Variants in ZKSCAN2 observed in about 807,000 individuals in gnomAD.
ZKSCAN2 encodes the protein zinc finger with KRAB and SCAN domains 2.
Under a neutral mutation model 90.5 loss-of-function variants are expected in ZKSCAN2, and 38 were observed. That is an observed-to-expected ratio of 0.42 (90% CI 0.32 to 0.55). The LOEUF is 0.55. Among genes scored for constraint, ZKSCAN2 ranks in the 20% least tolerant of loss-of-function variants. ZKSCAN2 has a pLI of 0.11. For synonymous variants in ZKSCAN2, 429 were observed against 421.6 expected, an observed-to-expected ratio of 1.02 and a Z score of -0.22; for missense variants, 1,167 against 1,202.6, an observed-to-expected ratio of 0.97 and a Z score of 0.44.
Position 25,256,753 on chromosome 16 carries a change from T to C in ZKSCAN2, c.375A>G (p.Lys125=), listed in dbSNP as rs777966178. The C allele has an allele frequency of 1.9e-6, 3 of 1,613,340 alleles. No individual in the cohort carries two copies. The highest frequency in any genetic ancestry group is 1.3e-5 in the African/African-American group (1 of 74,852). The change falls in exon 1 of 7, where the codon AAA becomes AAG. Residue 125 remains lysine, a synonymous_variant. Transcript: ENST00000328086. The stretch of plus-strand genomic sequence containing the variant: ...CCTGCTGTCTTAGTCTTCCAGTCTC[T>C]TTCTCCAAATGCACTACCAGGGCCA... The part of the protein sequence containing the change: ...EAVALVVHLE[K]ETGRLRQQVS...
At chr16:25,248,717 G>A (rs1163803848) in intron 4 of ZKSCAN2, among the ~76,000 whole-genome samples, 1 of 152,200 alleles carries the variant, frequency 6.6e-6, no homozygotes, top group Admixed American at 6.5e-5. Flanking sequence ...ATTGGGAAGA[G>A]TCATTATGGA....
intron 4 of ZKSCAN2, 53 bp from the exon 5 acceptor site, chr16:25,247,443 C>T (rs1962951785): frequency 5.4e-6 from 8 of 1,475,266 alleles, no homozygotes; most frequent in Admixed American, 3.7e-5. Flanking sequence ...TTACTGCATG[C>T]CTCAATCTTC....
At position 25,240,223 on chromosome 16, in the gene ZKSCAN2, ATCTGTAGGGTTTCTC is replaced by A; in HGVS notation, c.2482_2496del (p.Glu828_Arg832del). On this transcript the variant is annotated inframe_deletion, in exon 7 of 7. Transcript: ENST00000328086. ...CTAAAGCATTTTCCACACTCTCCGC[ATCTGTAGGGTTTCTC>A]TCCTGTGTGGATTCTCTGGTGGGCA... 4.3e-6 allele frequency: 7 copies of A among 1,614,080 alleles called. No individual in the cohort carries two copies. Among genetic ancestry groups the A allele is most frequent in the Non-Finnish European group, 5.9e-6 (7 of 1,180,018 alleles).
chr16:25,241,006 G>C (rs1236185599), intron 6 of ZKSCAN2, among the ~76,000 whole-genome samples: 1 of 152,050 alleles, frequency 6.6e-6, no homozygotes, highest in Non-Finnish European at 1.5e-5. Flanking sequence ...GGTGCAACCT[G>C]GCTTATCTCC....
At position 25,238,373 on chromosome 16, in the gene ZKSCAN2, C is replaced by T. The variant is rs188246468; in HGVS notation, c.*1443G>A. On this transcript the variant is annotated 3_prime_UTR_variant, in exon 7 of 7. Coordinates refer to ENST00000328086, the MANE Select transcript of ZKSCAN2 (RefSeq NM_001012981.5). ...GGGAATAAACGCCACTGACTCCATC[C>T]TGAAGCAACTGGCCATGGAAAATCA... 1 of 152,382 alleles carries T rather than the reference C, an allele frequency of 6.6e-6. No homozygotes were observed. Among genetic ancestry groups the T allele is most frequent in the African/African-American group, 2.4e-5 (1 of 41,568 alleles). The allele number at this position is 152,382 out of a possible 1,614,324, so 9.4% of individuals were successfully genotyped here. A position where few individuals can be genotyped will look rare whatever the true frequency, so the allele number is the denominator to read the frequency against.
chr16:25,249,246 A>G (rs1962982938), intron 4 of ZKSCAN2, among the ~76,000 whole-genome samples: 1 of 152,232 alleles, frequency 6.6e-6, no homozygotes. Flanking sequence ...TCTATTATAT[A>G]GTGACTATAA....
rs201142510 is a variant in ZKSCAN2 at position 25,247,136 on chromosome 16, T to G, written c.1060A>C (p.Ile354Leu). The change falls in exon 5 of 7, where the codon ATT (isoleucine) becomes CTT (leucine). Residue 354 changes from isoleucine to leucine, a missense_variant. Transcript: ENST00000328086. ...SYEETKTFLA[I>L]LKESRFYETL... is the part of the protein sequence containing the mutation. ...TCATAAAAGCGAGACTCTTTGAGAA[T>G]TGCCAGGAAAGTCTTTGTTTCCTCA... The G allele has an allele frequency of 6.2e-7, 1 of 1,614,192 alleles. No homozygotes were observed. The highest frequency in any genetic ancestry group is 1.3e-5 in the African/African-American group (1 of 75,052).
Position 25,240,387 on chromosome 16 carries a change from C to T in ZKSCAN2, c.2333G>A (p.Gly778Asp), listed in dbSNP as rs145665207. The change falls in exon 7 of 7, where the codon GGT (glycine) becomes GAT (aspartate). Residue 778 changes from glycine to aspartate, a missense_variant. Coordinates refer to ENST00000328086, the MANE Select transcript of ZKSCAN2 (RefSeq NM_001012981.5). ...TCTACCAAAGCACTTCCCACAGACACCACACTTGTAAGGATTCTCCTTGTG... is the reference window on the plus strand; with the variant it reads ...TCTACCAAAGCACTTCCCACAGACATCACACTTGTAAGGATTCTCCTTGTG... ...THHKENPYKCGVCGKCFGRSR... is the reference protein window; with the variant it reads ...THHKENPYKCDVCGKCFGRSR... 556 of 1,614,168 alleles carry T rather than the reference C, an allele frequency of 3.4e-4. 5 individuals are homozygous for T. In the African/African-American group the frequency reaches 6.7e-3, roughly 19 times the overall value.
At chr16:25,246,567 C>A in intron 5 of ZKSCAN2, 140 bp downstream of exon 5, 1 of 831,180 alleles carries the variant, frequency 1.2e-6, no homozygotes, top group Non-Finnish European at 2.0e-6. Context: ...GAGAGTACTT[C>A]AGTGATGTGG....
rs775174500 is a variant in ZKSCAN2, at chr16:25,244,186, T to G, written c.1580A>C (p.Lys527Thr). The stretch of plus-strand genomic sequence containing the variant: ...AGCTACAGCCCCATACAATTTGCTC[T>G]TCCGATGACAGGCTTGAAGCGCTTC... ...FYEALQACHR[K>T]SKLYGAVAEQ... Residue 527 changes from lysine to threonine, a missense_variant, in exon 6 of 7, where the codon AAG (lysine) becomes ACG (threonine). By Grantham distance (78) the Lys-to-Thr change is moderately conservative. Coordinates refer to ENST00000328086, the MANE Select transcript of ZKSCAN2 (RefSeq NM_001012981.5). 1 of 1,614,146 alleles carries G rather than the reference T, an allele frequency of 6.2e-7. No individual in the cohort carries two copies. The highest frequency in any genetic ancestry group is 8.5e-7 in the Non-Finnish European group (1 of 1,180,006).
chr16:25,256,846 G>A lies in ZKSCAN2; in HGVS notation c.282C>T (p.Leu94=), dbSNP rs1963110326. The A allele has an allele frequency of 5.0e-6, 8 of 1,614,196 alleles. No homozygotes were observed. Among genetic ancestry groups the A allele is most frequent in the Non-Finnish European group, 6.8e-6 (8 of 1,180,046 alleles). The change falls in exon 1 of 7, where the codon CTC becomes CTT. Residue 94 remains leucine, a synonymous_variant. Coordinates refer to ENST00000328086, the MANE Select transcript of ZKSCAN2 (RefSeq NM_001012981.5). ...CCTGAATCTTCTCGGGTAAAATGGT[G>A]AGAAACTGCTCAATCACCAGCAGCT... ...ILELLVIEQF[L]TILPEKIQAW...
chr16:25,249,597 T>G (rs564508397), intron 4 of ZKSCAN2, among the ~76,000 whole-genome samples: 5 of 152,274 alleles, frequency 3.3e-5, no homozygotes, highest in African/African-American at 1.2e-4. Flanking sequence ...GATGGATTTG[T>G]TAATTAGCTG....
chr16:25,242,382 T>C (rs905175376), intron 6 of ZKSCAN2, among the ~76,000 whole-genome samples: 14 of 152,172 alleles, frequency 9.2e-5, no homozygotes, highest in Admixed American at 3.9e-4. Context: ...ATTTCCCATA[T>C]ATATACTAAG....
At position 25,237,042 on chromosome 16, in the gene ZKSCAN2, A is replaced by G. The variant is rs1322535780; in HGVS notation, c.*2774T>C. ...AGTTACAAAAATCACAGTGTTTGTA[A>G]TACATACATACAGATCTACACACAC... On this transcript the variant is annotated 3_prime_UTR_variant, in exon 7 of 7. Transcript: ENST00000328086. The G allele has an allele frequency of 7.0e-6, 1 of 143,270 alleles. No homozygotes were observed. The highest frequency in any genetic ancestry group is 1.5e-5 in the Non-Finnish European group (1 of 64,840). The allele number at this position is 143,270 out of a possible 1,614,324, so 8.9% of individuals were successfully genotyped here.
chr16:25,243,613 G>A (rs534024619), intron 6 of ZKSCAN2, among the ~76,000 whole-genome samples, 172 bp downstream of exon 6: 47 of 152,352 alleles, frequency 3.1e-4, no homozygotes, highest in Non-Finnish European at 5.3e-4. Context: ...ACAGGTGTGA[G>A]CCACCATGCC....
At position 25,244,266 on chromosome 16, in the gene ZKSCAN2, C is replaced by T. The variant is rs1176574935; in HGVS notation, c.1500G>A (p.Trp500Ter). Residue 500 changes from tryptophan (W) to a stop codon, truncating the protein, a stop_gained, in exon 6 of 7, where the codon TGG becomes TGA. Transcript: ENST00000328086. LOFTEE classifies it high-confidence loss of function. ...GAAAAGTCTTGGTTTCTTCATAGCC[C>T]CAGTGCACGCCTGCCATTTGGGGAT... ...VLFQNLSGVH[W>*]GYEETKTFLD... 6.2e-7 allele frequency: 1 copy of T among 1,610,490 alleles called. No homozygotes were observed. The highest frequency in any genetic ancestry group is 2.2e-5 in the East Asian group (1 of 44,800).
In ZKSCAN2 at chr16:25,257,493, G is replaced by A. The variant is rs1963127159; in HGVS notation, c.-366C>T. 2 of 1,004,278 alleles carry A rather than the reference G, an allele frequency of 2.0e-6. No homozygotes were observed. Among genetic ancestry groups the A allele is most frequent in the Non-Finnish European group, 1.2e-6 (1 of 843,108 alleles). The allele number at this position is 1,004,278 out of a possible 1,614,324, so 62.2% of individuals were successfully genotyped here. On this transcript the variant is annotated 5_prime_UTR_variant, in exon 1 of 7. Coordinates refer to ENST00000328086, the MANE Select transcript of ZKSCAN2 (RefSeq NM_001012981.5). ...GAGGCGGACAGCCGGGCCGGGAGGG[G>A]GTGTGTCCGCTACTCCCGGGTCGGG...
At chr16:25,250,744 T>G (rs1963009312) in intron 4 of ZKSCAN2, among the ~76,000 whole-genome samples, 1 of 152,156 alleles carries the variant, frequency 6.6e-6, no homozygotes. Flanking sequence ...CACAATTTTA[T>G]TTGCATATAT....
chr16:25,246,796 G>A lies in ZKSCAN2; in HGVS notation c.1400C>T (p.Ala467Val), dbSNP rs768685041. The A allele has an allele frequency of 2.5e-6, 4 of 1,614,174 alleles. No homozygotes were observed. Among genetic ancestry groups the A allele is most frequent in the Non-Finnish European group, 3.4e-6 (4 of 1,180,030 alleles). The change falls in exon 5 of 7, where the codon GCA becomes GTA. Residue 467 changes from alanine to valine, a missense_variant. Coordinates refer to ENST00000328086, the MANE Select transcript of ZKSCAN2 (RefSeq NM_001012981.5). ...HISLVEEEEAAEDSDDDEIGI... is the reference protein window; with the variant it reads ...HISLVEEEEAVEDSDDDEIGI... ...TATTTCATCATCATCAGAATCTTCT[G>A]CAGCTTCCTCCTCCTCCACCAAGCT...
Sources: gnomAD v4.1 joint callset for allele counts (sites outside exome capture counted in the v4.1 genomes callset) on GRCh38, gnomAD v4.1.1 for gene constraint, MANE v1.5 for transcripts, NCBI Gene and HGNC (gene_info 2026-07-23, HGNC 2026-07-21) for gene names.